The following MAP2 variants were observed in gnomAD, a reference collection of about 807,000 sequenced individuals.
MAP2 encodes microtubule associated protein 2.
MAP2 carries 14 observed loss-of-function variants against 137.6 expected under a neutral mutation model. The observed-to-expected ratio is 0.10, with a 90% CI of 0.07 to 0.16. MAP2 has a LOEUF of 0.16. Ranked by LOEUF, MAP2 falls within the 10% of genes least tolerant of loss-of-function variation. The pLI, the probability that MAP2 is intolerant of heterozygous loss-of-function variation, is 1.00. For synonymous variants in MAP2, 786 were observed against 782.3 expected (o/e 1.00, Z -0.08); for missense variants, 2,088 against 2,191.5 (o/e 0.95, Z 0.94).
chr2:209,542,760 C>T (rs906622117), intron 2 of MAP2, among the ~76,000 whole-genome samples: 1 of 152,226 alleles, frequency 6.6e-6, no homozygotes, highest in African/African-American at 2.4e-5. Flanking sequence ...AGCTTCTTTA[C>T]CTCTCTCAGG....
In MAP2 at chr2:209,723,337, T is replaced by C. The variant is rs1056157939; in HGVS notation, c.5074-2372T>C. On this transcript the variant is annotated intron_variant, in intron 13 of 15. Transcript: ENST00000682079. ...GACTCAAGTTTTATTTTTCAATCCA[T>C]ATAACTGTTTCCAGATCATACCTAA... Among the ~76,000 whole-genome samples, 6 of 152,346 alleles carry C rather than the reference T, an allele frequency of 3.9e-5. No individual in the cohort carries two copies. The South Asian group carries it at 1.0e-3, about 26-fold the overall frequency.
In MAP2 at chr2:209,424,715, AAGTG is replaced by A. The variant is rs1192485677; in HGVS notation, c.-222+450_-222+453del. On this transcript the variant is annotated intron_variant, in intron 1 of 15. Coordinates refer to ENST00000682079, the MANE Select transcript of MAP2 (RefSeq NM_001375505.1). ...CAGCTGCAGAGAACTGCACACTGGGAAGTGAGTGAGTGAGGGAAGCCTTGTCCAT... is the reference window on the plus strand; with the variant it reads ...CAGCTGCAGAGAACTGCACACTGGGAAGTGAGTGAGGGAAGCCTTGTCCAT... Among the ~76,000 whole-genome samples the A allele has an allele frequency of 5.9e-5, 9 of 152,304 alleles. No homozygotes were observed. In the South Asian group the frequency reaches 1.7e-3, roughly 28 times the overall value.
At chr2:209,688,219 G>A (rs550999969) in intron 7 of MAP2, among the ~76,000 whole-genome samples, 1 of 152,242 alleles carries the variant, frequency 6.6e-6, no homozygotes, top group South Asian at 2.1e-4. Context: ...GAGAGAGAAA[G>A]AGAGAGAGAA....
At position 209,730,203 on chromosome 2, in the gene MAP2, T is replaced by C; in HGVS notation, c.5290T>C (p.Phe1764Leu). 6.2e-7 allele frequency: 1 copy of C among 1,613,984 alleles called. No individual in the cohort carries two copies. The highest frequency in any genetic ancestry group is 8.5e-7 in the Non-Finnish European group (1 of 1,179,972). Residue 1764 changes from phenylalanine to leucine, a missense_variant, in exon 16 of 16, where the codon TTC becomes CTC. Coordinates refer to ENST00000682079, the MANE Select transcript of MAP2 (RefSeq NM_001375505.1). ...ACAGATTGACAGCCAAAAGTTGAAC[T>C]TCAGAGAGCATGCTAAAGCCCGTGT... ...NVKIDSQKLNFREHAKARVDH... is the reference protein window; with the variant it reads ...NVKIDSQKLNLREHAKARVDH...
chr2:209,555,108 A>G (rs1454388538), intron 2 of MAP2, among the ~76,000 whole-genome samples: 1 of 151,972 alleles, frequency 6.6e-6, no homozygotes, highest in East Asian at 1.9e-4. Flanking sequence ...GATGATTCAT[A>G]CAGAAGATAG....
At chr2:209,452,615 C>T (rs756409210) in intron 1 of MAP2, among the ~76,000 whole-genome samples, 2 of 152,092 alleles carry the variant, frequency 1.3e-5, no homozygotes, top group African/African-American at 2.4e-5. Context: ...AGAATAAAAC[C>T]ATATTAAAGG....
At chr2:209,543,877 T>G (rs1341973122) in intron 2 of MAP2, among the ~76,000 whole-genome samples, 16 of 152,202 alleles carry the variant, frequency 1.1e-4, no homozygotes, top group Admixed American at 1.0e-3. Context: ...GTGTCATAAA[T>G]CCATGATGTC....
At chr2:209,432,827 G>A (rs1445189515) in intron 1 of MAP2, among the ~76,000 whole-genome samples, 1 of 152,142 alleles carries the variant, frequency 6.6e-6, no homozygotes, top group African/African-American at 2.4e-5. Context: ...TATATCAAGA[G>A]TCAACACATA....
rs115179579 is a variant in MAP2 at position 209,680,540 on chromosome 2, G to T, written c.377-210G>T. Reference sequence around the variant, plus strand: ...AGAGATGATAAAATCATTTTTTTTTGAAAATATCAAATGCTTGTCTTATTT... The same window carrying T: ...AGAGATGATAAAATCATTTTTTTTTTAAAATATCAAATGCTTGTCTTATTT... On this transcript the variant is annotated intron_variant, in intron 6 of 15. Transcript: ENST00000682079. Among the ~76,000 whole-genome samples, 417 of 151,022 alleles carry T rather than the reference G, an allele frequency of 2.8e-3. 1 individual carries two copies. The highest frequency in any genetic ancestry group is 9.4e-3 in the African/African-American group (386 of 41,248).
intron 2 of MAP2, among the ~76,000 whole-genome samples, chr2:209,530,485 G>A (rs2064948289): frequency 6.6e-6 from 1 of 152,104 alleles, no homozygotes; most frequent in Admixed American, 6.6e-5. Context: ...GATTATTAGG[G>A]TTGCAGTGAA....
At chr2:209,667,864 A>C (rs2047029641) in intron 5 of MAP2, among the ~76,000 whole-genome samples, 1 of 151,982 alleles carries the variant, frequency 6.6e-6, no homozygotes, top group African/African-American at 2.4e-5. Flanking sequence ...ACATGACTTC[A>C]GCACTTTTCT....
At chr2:209,665,638 C>A (rs574499058) in intron 5 of MAP2, among the ~76,000 whole-genome samples, 1 of 152,068 alleles carries the variant, frequency 6.6e-6, no homozygotes, top group Non-Finnish European at 1.5e-5. Context: ...TTTTGAAGAC[C>A]AAATGTCACC....
At chr2:209,465,925 G>T (rs566702546) in intron 1 of MAP2, among the ~76,000 whole-genome samples, 8 of 152,280 alleles carry the variant, frequency 5.3e-5, no homozygotes, top group Admixed American at 5.2e-4. Flanking sequence ...TCTTCCTCAG[G>T]TTTCACTTTA....
At chr2:209,513,867 C>G (rs1274082276) in intron 2 of MAP2, among the ~76,000 whole-genome samples, 1 of 152,092 alleles carries the variant, frequency 6.6e-6, no homozygotes. Context: ...ACCCCCTCCC[C>G]ACCTCTCCTC....
intron 1 of MAP2, among the ~76,000 whole-genome samples, chr2:209,492,657 A>G (rs1388458604): frequency 6.6e-6 from 1 of 152,202 alleles, no homozygotes; most frequent in Non-Finnish European, 1.5e-5. Context: ...AGACAGACAC[A>G]GAGCCAAATC....
chr2:209,495,324 C>G (rs1015346411), intron 1 of MAP2, among the ~76,000 whole-genome samples: 7 of 152,256 alleles, frequency 4.6e-5, no homozygotes, highest in African/African-American at 1.7e-4. Flanking sequence ...CAGCACAGTG[C>G]TCGAGCTCTG....
At chr2:209,486,076 G>C (rs899515720) in intron 1 of MAP2, among the ~76,000 whole-genome samples, 3 of 152,138 alleles carry the variant, frequency 2.0e-5, no homozygotes, top group South Asian at 4.1e-4. Context: ...AGGAATATAA[G>C]CTTCAAAAGT....
In MAP2 at chr2:209,733,356, A is replaced by T. The variant is rs1230928395; in HGVS notation, c.*2959A>T. The T allele has an allele frequency of 6.6e-6, 1 of 152,510 alleles. No homozygotes were observed. The highest frequency in any genetic ancestry group is 1.9e-4 in the East Asian group (1 of 5,180). 9.4% of individuals were successfully genotyped at this position (152,510 alleles called of 1,614,324 possible). The stretch of plus-strand genomic sequence containing the variant: ...CAGCAGCGTGATGGGCTGACATCCC[A>T]CCTACAAGTATGACACCTGTGTAAC... On this transcript the variant is annotated 3_prime_UTR_variant, in exon 16 of 16. Coordinates refer to ENST00000682079, the MANE Select transcript of MAP2 (RefSeq NM_001375505.1).
chr2:209,590,510 T>C (rs1364932085), intron 3 of MAP2, among the ~76,000 whole-genome samples: 3 of 152,116 alleles, frequency 2.0e-5, no homozygotes, highest in African/African-American at 7.2e-5. Flanking sequence ...TAATTTTGTA[T>C]TTTTAGTAGA....
Sources: gnomAD v4.1 joint callset for allele counts (sites outside exome capture counted in the v4.1 genomes callset) on GRCh38, gnomAD v4.1.1 for gene constraint, MANE v1.5 for transcripts, NCBI Gene and HGNC (gene_info 2026-07-23, HGNC 2026-07-21) for gene names.